Variants in TMEM63C observed in about 807,000 individuals in gnomAD.
TMEM63C encodes the protein transmembrane protein 63C.
In TMEM63C, 32 loss-of-function variants were observed where a neutral mutation model predicts 99.2. The ratio of observed to expected loss-of-function variants is 0.32; its 90% CI spans 0.24 to 0.43. The LOEUF (loss-of-function observed/expected upper bound fraction) is 0.43, where lower values mean the gene tolerates loss of function less well. Ranked by LOEUF, TMEM63C falls within the 20% of genes least tolerant of loss-of-function variation. The pLI is 1.00. For synonymous variants in TMEM63C, 376 were observed against 397.9 expected, an observed-to-expected ratio of 0.94 and a Z score of 0.66; for missense variants, 826 against 1,053.0, an observed-to-expected ratio of 0.78 and a Z score of 2.98.
At position 77,249,370 on chromosome 14, in the gene TMEM63C, G is replaced by C. The variant is rs777375077; in HGVS notation, c.1950G>C (p.Glu650Asp). The change falls in exon 21 of 24, where the codon GAG becomes GAC. Residue 650 changes from glutamate to aspartate, a missense_variant. Physicochemically the swap from Glu to Asp is conservative, Grantham distance 45 (BLOSUM62 2). Transcript: ENST00000298351. ...YYSFAPTKLN[E>D]QIHMAAVSQA... The stretch of plus-strand genomic sequence containing the variant: ...CCTTTGCACCCACCAAACTGAACGA[G>C]CAGATCCACATGGCTGCCGTCTCCC... 1.5e-5 allele frequency: 25 copies of C among 1,613,880 alleles called. No individual in the cohort carries two copies. In the Admixed American group the frequency reaches 4.0e-4, roughly 26 times the overall value.
intron 1 of TMEM63C, among the ~76,000 whole-genome samples, chr14:77,201,339 T>C (rs1349221369): frequency 6.6e-6 from 1 of 152,236 alleles, no homozygotes; most frequent in Non-Finnish European, 1.5e-5. Flanking sequence ...GAACAGAGTC[T>C]GGACTGTAAT....
intron 1 of TMEM63C, among the ~76,000 whole-genome samples, chr14:77,206,749 A>C (rs1163067837): frequency 6.6e-6 from 1 of 152,224 alleles, no homozygotes; most frequent in Non-Finnish European, 1.5e-5. Flanking sequence ...GATATCTGTC[A>C]ATCTCAAGCC....
intron 1 of TMEM63C, among the ~76,000 whole-genome samples, chr14:77,197,328 G>C (rs76578552): frequency 0.011 from 1,654 of 152,290 alleles, 10 homozygotes; most frequent in Middle Eastern, 0.017. Context: ...CCAGGGCAGG[G>C]AGCCTTAGCC....
At chr14:77,184,923 C>G in intron 1 of TMEM63C, among the ~76,000 whole-genome samples, 1 of 152,130 alleles carries the variant, frequency 6.6e-6, no homozygotes, top group East Asian at 1.9e-4. Context: ...AGAAGAACAA[C>G]GTGTGGCCAG....
chr14:77,193,431 C>T (rs1327692247), intron 1 of TMEM63C, among the ~76,000 whole-genome samples: 1 of 152,156 alleles, frequency 6.6e-6, no homozygotes, highest in African/African-American at 2.4e-5. Context: ...CACGGTGGCT[C>T]ATGGTTGTAA....
At chr14:77,239,342 TG>T in intron 10 of TMEM63C, 69 bp from the exon 11 acceptor site, 1 of 1,533,614 alleles carries the variant, frequency 6.5e-7, no homozygotes, top group Non-Finnish European at 9.0e-7. Flanking sequence ...GCCGACATGC[TG>T]GGCAGGGGGT....
intron 4 of TMEM63C, 51 bp downstream of exon 4, chr14:77,219,628 T>G: frequency 1.9e-6 from 3 of 1,589,410 alleles, no homozygotes; most frequent in Non-Finnish European, 2.6e-6. Context: ...GGAAAACCTG[T>G]TGCCATGGCC....
At position 77,219,506 on chromosome 14, in the gene TMEM63C, T is replaced by C. The variant is rs1210474069; in HGVS notation, c.159T>C (p.Leu53=). 10 of 1,613,874 alleles carry C rather than the reference T, an allele frequency of 6.2e-6. No homozygotes were observed. The highest frequency in any genetic ancestry group is 8.5e-6 in the Non-Finnish European group (10 of 1,179,856). ...CLNIALWVLV[L]VVYSFLRKAA... ...CTTTTCCTGGCCTGTAGCTCGTCCT[T>C]GTGGTTTACTCCTTCCTCCGGAAAG... Residue 53 remains leucine (L), a synonymous_variant, in exon 4 of 24, where the codon CTT becomes CTC. Coordinates refer to ENST00000298351, the MANE Select transcript of TMEM63C (RefSeq NM_020431.4).
intron 20 of TMEM63C, 110 bp downstream of exon 20, chr14:77,248,982 G>C: frequency 8.8e-7 from 1 of 1,141,512 alleles, no homozygotes; most frequent in Non-Finnish European, 1.3e-6. Context: ...ACCTGTGGTA[G>C]GGAGGGGTCA....
intron 2 of TMEM63C, among the ~76,000 whole-genome samples, chr14:77,216,691 A>G (rs4899644): frequency 0.79 from 120,070 of 152,026 alleles, 47,495 homozygotes; most frequent in South Asian, 0.88. Flanking sequence ...CACATCCCCT[A>G]TCTAATCTGC....
chr14:77,220,949 CT>C (rs1888690270), intron 5 of TMEM63C, among the ~76,000 whole-genome samples: 1 of 21,648 alleles, frequency 4.6e-5, no homozygotes, highest in African/African-American at 1.1e-4. Flanking sequence ...TCCCCTCCCA[CT>C]CTCGCCTCCC....
At chr14:77,214,111 A>C (rs1385971059) in intron 2 of TMEM63C, among the ~76,000 whole-genome samples, 1 of 152,020 alleles carries the variant, frequency 6.6e-6, no homozygotes, top group Non-Finnish European at 1.5e-5. Flanking sequence ...CCAACTCCTG[A>C]AACCTTTCCA....
chr14:77,240,523 G>A lies in TMEM63C; in HGVS notation c.979G>A (p.Glu327Lys), dbSNP rs370285268. 27 of 1,611,934 alleles carry A rather than the reference G, an allele frequency of 1.7e-5. No individual in the cohort carries two copies. The highest frequency in any genetic ancestry group is 1.3e-4 in the East Asian group (6 of 44,870). ...CGAGCTAGAGGAGCAGCTAACGGAC[G>A]AGTTCAACGCCGAGCTCAACCGCGT... is the stretch of plus-strand genomic sequence containing the variant. ...YSELEEQLTD[E>K]FNAELNRVPL... Residue 327 changes from glutamate to lysine, a missense_variant, in exon 13 of 24, where the codon GAG becomes AAG. By Grantham distance (56) the Glu-to-Lys change is moderately conservative (BLOSUM62 1). Transcript: ENST00000298351.
chr14:77,235,156 T>TC (rs1174141195), intron 8 of TMEM63C, among the ~76,000 whole-genome samples: 1 of 151,200 alleles, frequency 6.6e-6, no homozygotes, highest in Admixed American at 6.6e-5. Flanking sequence ...CAATAAACGT[T>TC]CCCCCCATGA....
At chr14:77,241,985 G>C (rs1007355033) in intron 13 of TMEM63C, among the ~76,000 whole-genome samples, 4 of 152,220 alleles carry the variant, frequency 2.6e-5, no homozygotes, top group African/African-American at 9.6e-5. Context: ...ATAATTAGTA[G>C]CTATTGATAT....
intron 1 of TMEM63C, among the ~76,000 whole-genome samples, chr14:77,187,464 C>T (rs1566614413): frequency 6.6e-6 from 1 of 152,188 alleles, no homozygotes; most frequent in Non-Finnish European, 1.5e-5. Flanking sequence ...GGGGCTGAGC[C>T]GAGGCAAAGG....
At chr14:77,220,839 C>T (rs1888680289) in intron 5 of TMEM63C, among the ~76,000 whole-genome samples, 1 of 150,982 alleles carries the variant, frequency 6.6e-6, no homozygotes. Flanking sequence ...ATGCTGCTGT[C>T]ACCACTTCCT....
In TMEM63C at chr14:77,208,181, T is replaced by C. The variant is rs527981938; in HGVS notation, c.-76-5265T>C. Among the ~76,000 whole-genome samples the C allele has an allele frequency of 3.3e-4, 51 of 152,336 alleles. No individual in the cohort carries two copies. In the South Asian group the frequency reaches 0.01, roughly 31 times the overall value. ...GGACATGATGCTGTAGTCAGCTTGA[T>C]TCATACAGGGAATCGCAGGGTCTCG... On this transcript the variant is annotated intron_variant, in intron 1 of 23. Transcript: ENST00000298351.
chr14:77,203,385 A>G (rs1201053704), intron 1 of TMEM63C, among the ~76,000 whole-genome samples: 1 of 42,202 alleles, frequency 2.4e-5, no homozygotes, highest in Non-Finnish European at 5.5e-5. Context: ...CCATCTTGAA[A>G]AAAAAAAAAA....
Sources: allele counts gnomAD v4.1 joint callset (sites outside exome capture counted in the v4.1 genomes callset), GRCh38; gene constraint gnomAD v4.1.1; transcripts MANE v1.5; gene names NCBI Gene and HGNC (gene_info 2026-07-23, HGNC 2026-07-21).